Variants in PARG observed in about 807,000 individuals in gnomAD.
PARG encodes poly(ADP-ribose) glycohydrolase.
In PARG, 35 loss-of-function variants were observed where a neutral mutation model predicts 113.0. That is an observed-to-expected ratio of 0.31 (90% confidence interval 0.24 to 0.41). The LOEUF is 0.41. Ranked by LOEUF, PARG falls within the 10% of genes least tolerant of loss-of-function variation. PARG has a pLI of 1.00. For missense variants in PARG, 797 were observed against 1,169.4 expected (o/e 0.68, Z 4.64); for synonymous variants, 330 against 409.9 (o/e 0.81, Z 2.36).
At chr10:49,941,464 G>A (rs1334841112) in intron 1 of PARG, 45 bp downstream of exon 1, 3 of 1,398,930 alleles carry the variant, frequency 2.1e-6, no homozygotes, top group Middle Eastern at 1.8e-4. Context: ...AGACCAGAAG[G>A]TTCGGGCCGA....
chr10:49,887,859 T>C (rs1171647121), intron 7 of PARG, among the ~76,000 whole-genome samples: 2 of 152,232 alleles, frequency 1.3e-5, no homozygotes, highest in African/African-American at 2.4e-5. Context: ...TGTCTTTTAA[T>C]AGATGAATTT....
At chr10:49,912,200 T>C (rs1452312536) in intron 7 of PARG, among the ~76,000 whole-genome samples, 2 of 152,088 alleles carry the variant, frequency 1.3e-5, no homozygotes, top group Non-Finnish European at 2.9e-5. Flanking sequence ...CTCAGGAGGC[T>C]GAGGCACAAG....
At chr10:49,869,863 A>C (rs1554837585) in intron 9 of PARG, among the ~76,000 whole-genome samples, 1 of 152,004 alleles carries the variant, frequency 6.6e-6, no homozygotes, top group African/African-American at 2.4e-5. Flanking sequence ...GGGGTCAGTC[A>C]GTCAGTGCAC....
At chr10:49,839,258 AC>A (rs1554831764) in intron 15 of PARG, among the ~76,000 whole-genome samples, 1 of 151,574 alleles carries the variant, frequency 6.6e-6, no homozygotes, top group Non-Finnish European at 1.5e-5. Flanking sequence ...AATCACTTGT[AC>A]CCGGGAGGCG....
At chr10:49,841,808 T>C in intron 15 of PARG, 142 bp downstream of exon 15, 1 of 623,028 alleles carries the variant, frequency 1.6e-6, no homozygotes, top group Non-Finnish European at 2.8e-6. Flanking sequence ...TTGTACAAGC[T>C]GACAGAGCCA....
At chr10:49,892,275 AC>A (rs1847845773) in intron 7 of PARG, among the ~76,000 whole-genome samples, 1 of 152,174 alleles carries the variant, frequency 6.6e-6, no homozygotes, top group African/African-American at 2.4e-5. Flanking sequence ...ATTAATGTAA[AC>A]AAAAAGAAAA....
At chr10:49,828,092 CAAAAAAAAAA>C (rs71026274) in intron 16 of PARG, among the ~76,000 whole-genome samples, 5 of 50,370 alleles carry the variant, frequency 9.9e-5, no homozygotes, top group African/African-American at 2.4e-4. Context: ...AAAGCTTAAA[CAAAAAAAAAA>C]AAAAAAAAAA....
At chr10:49,916,923 C>T (rs1205297413) in intron 6 of PARG, among the ~76,000 whole-genome samples, 2 of 151,776 alleles carry the variant, frequency 1.3e-5, no homozygotes, top group Admixed American at 6.6e-5. Flanking sequence ...TTCCAAATTT[C>T]GTTATCATTG....
At chr10:49,852,512 A>G (rs1845800443) in intron 13 of PARG, among the ~76,000 whole-genome samples, 2 of 150,310 alleles carry the variant, frequency 1.3e-5, no homozygotes. Context: ...GACATCCTTT[A>G]TTTACATTAA....
chr10:49,829,233 C>A (rs782199454), intron 16 of PARG, among the ~76,000 whole-genome samples: 2 of 151,398 alleles, frequency 1.3e-5, no homozygotes, highest in Admixed American at 6.6e-5. Context: ...AAGACTCCGT[C>A]TCAAAATAAA....
intron 11 of PARG, among the ~76,000 whole-genome samples, chr10:49,865,027 G>T (rs149517156): frequency 0.073 from 10,879 of 148,426 alleles, 580 homozygotes; most frequent in African/African-American, 0.14. Context: ...GGTGTTCCTT[G>T]TATTAGTGTC....
chr10:49,891,964 T>C (rs1423904830), intron 7 of PARG, among the ~76,000 whole-genome samples: 2 of 151,844 alleles, frequency 1.3e-5, no homozygotes, highest in African/African-American at 4.8e-5. Flanking sequence ...TACCCCATTT[T>C]ATTTTTGTAT....
At chr10:49,831,857 A>C (rs1033510408) in intron 16 of PARG, among the ~76,000 whole-genome samples, 1 of 152,130 alleles carries the variant, frequency 6.6e-6, no homozygotes, top group South Asian at 2.1e-4. Flanking sequence ...GGGACATGGG[A>C]ACCTCCTACA....
chr10:49,840,159 GGGA>G (rs1564604396), intron 15 of PARG, among the ~76,000 whole-genome samples: 1 of 152,096 alleles, frequency 6.6e-6, no homozygotes, highest in African/African-American at 2.4e-5. Context: ...GAGGCCGACG[GGGA>G]GGAGATCACT....
At chr10:49,925,256 G>A (rs1194504266) in intron 4 of PARG, among the ~76,000 whole-genome samples, 1 of 152,120 alleles carries the variant, frequency 6.6e-6, no homozygotes, top group East Asian at 1.9e-4. Context: ...GAGAAGTAAT[G>A]AAGCATCTGG....
intron 16 of PARG, among the ~76,000 whole-genome samples, chr10:49,823,493 G>A (rs776386368): frequency 3.9e-5 from 6 of 152,020 alleles, no homozygotes; most frequent in Non-Finnish European, 7.4e-5. Flanking sequence ...CCATGACTAT[G>A]CCTCATTAAT....
chr10:49,893,258 T>C (rs1250227873), intron 7 of PARG, among the ~76,000 whole-genome samples: 1 of 152,174 alleles, frequency 6.6e-6, no homozygotes, highest in East Asian at 1.9e-4. Flanking sequence ...CTTTTAGTCT[T>C]TCTAGTGCCT....
chr10:49,835,247 T>C (rs1351121226), intron 15 of PARG, among the ~76,000 whole-genome samples: 3 of 152,140 alleles, frequency 2.0e-5, no homozygotes, highest in African/African-American at 7.2e-5. Flanking sequence ...TGCGTTTGTT[T>C]TTCCCCCACC....
intron 1 of PARG, among the ~76,000 whole-genome samples, 177 bp from the exon 2 acceptor site, chr10:49,935,319 G>A (rs2132987427): frequency 6.6e-6 from 1 of 152,300 alleles, no homozygotes; most frequent in Admixed American, 6.5e-5. Flanking sequence ...TATGACACAG[G>A]GTAGAAAATG....
Sources: allele counts gnomAD v4.1 joint callset (sites outside exome capture counted in the v4.1 genomes callset), GRCh38; gene constraint gnomAD v4.1.1; transcripts MANE v1.5; gene names NCBI Gene and HGNC (gene_info 2026-07-23, HGNC 2026-07-21).